Variants in PAX5 observed in about 807,000 individuals in gnomAD.
PAX5 encodes paired box protein Pax-5.
A neutral mutation model predicts 43.7 loss-of-function variants in PAX5; 9 were observed. The ratio of observed to expected loss-of-function variants is 0.21; its 90% confidence interval spans 0.12 to 0.36. The LOEUF is 0.36. PAX5 is among the 10% of genes least tolerant of loss of function. The pLI is 1.00. For synonymous variants in PAX5, 228 were observed against 214.3 expected (o/e 1.06, Z -0.56); for missense variants, 383 against 532.7 (o/e 0.72, Z 2.77).
At chr9:36,849,779 C>T (rs1205528913) in intron 8 of PAX5, among the ~76,000 whole-genome samples, 1 of 152,196 alleles carries the variant, frequency 6.6e-6, no homozygotes, top group South Asian at 2.1e-4. Flanking sequence ...GGTGGGCACC[C>T]CCAACATGGG....
At chr9:36,940,298 G>A (rs1831938598) in intron 6 of PAX5, among the ~76,000 whole-genome samples, 2 of 152,150 alleles carry the variant, frequency 1.3e-5, no homozygotes, top group South Asian at 2.1e-4. Context: ...GGCGCAGTAA[G>A]GACATTCAAT....
chr9:36,888,695 C>A (rs1214822374), intron 7 of PAX5, among the ~76,000 whole-genome samples: 1 of 152,196 alleles, frequency 6.6e-6, no homozygotes, highest in East Asian at 1.9e-4. Flanking sequence ...GCAGGCTGGG[C>A]AGAGGCACGC....
intron 6 of PAX5, among the ~76,000 whole-genome samples, chr9:36,940,055 T>G (rs1216194237): frequency 6.6e-6 from 1 of 152,226 alleles, no homozygotes; most frequent in African/African-American, 2.4e-5. Flanking sequence ...CTTAATTTAT[T>G]GCCCGGCGCT....
chr9:36,955,688 G>C (rs576092720), intron 6 of PAX5, among the ~76,000 whole-genome samples: 2 of 151,286 alleles, frequency 1.3e-5, no homozygotes, highest in African/African-American at 4.8e-5. Context: ...TGGGCCACCA[G>C]GACATTAGCT....
chr9:36,932,085 G>A (rs781374423), intron 6 of PAX5, among the ~76,000 whole-genome samples: 1 of 151,890 alleles, frequency 6.6e-6, no homozygotes, highest in South Asian at 2.1e-4. Context: ...GACAAGCCTG[G>A]GCAACATAAC....
At chr9:36,988,558 G>A (rs1363163029) in intron 5 of PAX5, among the ~76,000 whole-genome samples, 1 of 151,636 alleles carries the variant, frequency 6.6e-6, no homozygotes, top group Non-Finnish European at 1.5e-5. Flanking sequence ...AGCTACTCAG[G>A]AGGCTGAAGT....
intron 3 of PAX5, among the ~76,000 whole-genome samples, chr9:37,011,192 A>G (rs1394276366): frequency 6.6e-6 from 1 of 152,142 alleles, no homozygotes; most frequent in Non-Finnish European, 1.5e-5. Flanking sequence ...TGCTACCAAA[A>G]TTAGAATTAA....
At chr9:36,918,386 G>A (rs1216113368) in intron 7 of PAX5, among the ~76,000 whole-genome samples, 2 of 152,174 alleles carry the variant, frequency 1.3e-5, no homozygotes, top group African/African-American at 4.8e-5. Context: ...AACCAGGATG[G>A]GCATGGTGGC....
chr9:37,004,709 G>A (rs12236572), intron 4 of PAX5, among the ~76,000 whole-genome samples: 2,307 of 152,324 alleles, frequency 0.015, 34 homozygotes, highest in East Asian at 0.077. Flanking sequence ...AACAGAGGAA[G>A]AAAGAAGATC....
At chr9:36,920,512 A>T (rs1388873548) in intron 7 of PAX5, among the ~76,000 whole-genome samples, 2 of 152,212 alleles carry the variant, frequency 1.3e-5, no homozygotes, top group African/African-American at 4.8e-5. Context: ...TTTAGCAACA[A>T]GTATTTTTAA....
chr9:36,891,086 C>A (rs1176523874), intron 7 of PAX5, among the ~76,000 whole-genome samples: 1 of 152,158 alleles, frequency 6.6e-6, no homozygotes, highest in Non-Finnish European at 1.5e-5. Context: ...TTGCAGTGAG[C>A]CGAGATTGCG....
At position 36,909,143 on chromosome 9, in the gene PAX5, A is replaced by G. The variant is rs562410195; in HGVS notation, c.910+14212T>C. Among the ~76,000 whole-genome samples the G allele has an allele frequency of 1.9e-4, 29 of 152,360 alleles. No homozygotes were observed. The South Asian group carries it at 6.0e-3, about 32-fold the overall frequency. The stretch of plus-strand genomic sequence containing the variant: ...TAGGTTTCTAGGAATCCAAGAATCT[A>G]TAATTGTGAGTCTATTTACCAGTGA... On this transcript the variant is annotated intron_variant, in intron 7 of 9. Coordinates refer to ENST00000358127, the MANE Select transcript of PAX5 (RefSeq NM_016734.3).
At chr9:37,007,486 A>G (rs1489627984) in intron 3 of PAX5, 1 of 152,234 alleles carries the variant, frequency 6.6e-6, no homozygotes, top group Non-Finnish European at 1.5e-5. Flanking sequence ...ACGTCCAGCA[A>G]GGACCACGCA....
rs1840041970 is a variant in PAX5 at position 37,023,647 on chromosome 9, G to A, written c.47-2846C>T. ...ACAGATGCTCCTCAGGCCCTGATAA[G>A]GTCATGCTACCCACCACAGGCCCTC... On this transcript the variant is annotated intron_variant, in intron 1 of 9. Coordinates refer to ENST00000358127, the MANE Select transcript of PAX5 (RefSeq NM_016734.3). Among the ~76,000 whole-genome samples the A allele has an allele frequency of 2.6e-5, 4 of 152,282 alleles. No individual in the cohort carries two copies. The South Asian group carries it at 6.2e-4, about 24-fold the overall frequency.
At chr9:36,953,732 T>A (rs1833200344) in intron 6 of PAX5, among the ~76,000 whole-genome samples, 1 of 152,246 alleles carries the variant, frequency 6.6e-6, no homozygotes, top group African/African-American at 2.4e-5. Flanking sequence ...GTATGTTGTT[T>A]ACTTTTTCCA....
intron 6 of PAX5, among the ~76,000 whole-genome samples, chr9:36,964,465 A>C (rs1282970575): frequency 6.8e-6 from 1 of 148,064 alleles, no homozygotes; most frequent in Non-Finnish European, 1.5e-5. Flanking sequence ...GGTGGCAGGC[A>C]CCTGTAATCC....
Position 36,833,793 on chromosome 9 carries a change from G to A in PAX5, c.*6767C>T, listed in dbSNP as rs1027259320. 3 of 230,570 alleles carry A rather than the reference G, an allele frequency of 1.3e-5. No homozygotes were observed. Among genetic ancestry groups the A allele is most frequent in the African/African-American group, 2.2e-5 (1 of 44,684 alleles). The allele number at this position is 230,570 out of a possible 1,614,324, so 14.3% of individuals were successfully genotyped here. On this transcript the variant is annotated 3_prime_UTR_variant, in exon 10 of 10. Coordinates refer to ENST00000358127, the MANE Select transcript of PAX5 (RefSeq NM_016734.3). The stretch of plus-strand genomic sequence containing the variant: ...AAGAAGCATTTTTTTTTTTCAATCC[G>A]TTGGAGACAGATCATCTCCCACTTT...
At chr9:37,013,882 G>A (rs754656085) in intron 3 of PAX5, among the ~76,000 whole-genome samples, 2 of 152,168 alleles carry the variant, frequency 1.3e-5, no homozygotes, top group Non-Finnish European at 2.9e-5. Flanking sequence ...CTCCCACAGC[G>A]ATCTGTGCAT....
intron 9 of PAX5, among the ~76,000 whole-genome samples, chr9:36,842,073 C>T (rs73451134): frequency 0.015 from 2,335 of 152,258 alleles, 63 homozygotes; most frequent in African/African-American, 0.053. Flanking sequence ...AGTGGAGGGG[C>T]TAGTACCTTG....
Sources: allele counts gnomAD v4.1 joint callset (sites outside exome capture counted in the v4.1 genomes callset), GRCh38; gene constraint gnomAD v4.1.1; transcripts MANE v1.5; gene names NCBI Gene and HGNC (gene_info 2026-07-23, HGNC 2026-07-21).